The following SMG1 variants were observed in gnomAD, a reference collection of about 807,000 sequenced individuals.
The protein encoded by SMG1 is SMG1 nonsense mediated mRNA decay associated PI3K related kinase, also known as serine/threonine-protein kinase SMG1.
Under a neutral mutation model 419.9 loss-of-function variants are expected in SMG1, and 22 were observed. The observed-to-expected ratio is 0.05, with a 90% CI of 0.04 to 0.07. SMG1 has a LOEUF of 0.07. Among genes scored for constraint, SMG1 ranks in the 10% least tolerant of loss-of-function variants. SMG1 has a pLI of 1.00. For missense variants in SMG1, 3,185 were observed against 4,342.0 expected, an observed-to-expected ratio of 0.73 and a Z score of 7.49; for synonymous variants, 1,538 against 1,553.5, an observed-to-expected ratio of 0.99 and a Z score of 0.23.
intron 23 of SMG1, among the ~76,000 whole-genome samples, chr16:18,864,927 G>T (rs2035419292): frequency 6.6e-6 from 1 of 152,092 alleles, no homozygotes; most frequent in Non-Finnish European, 1.5e-5. Flanking sequence ...TTTAAAAGTG[G>T]TTAAATGTTT....
At chr16:18,916,314 G>C (rs1354695645) in intron 1 of SMG1, among the ~76,000 whole-genome samples, 1 of 151,422 alleles carries the variant, frequency 6.6e-6, no homozygotes, top group Non-Finnish European at 1.5e-5. Context: ...AGGAGATCGA[G>C]ACCATCCTGG....
intron 22 of SMG1, 48 bp downstream of exon 22, chr16:18,868,142 C>G (rs1414982184): frequency 1.4e-5 from 21 of 1,505,638 alleles, no homozygotes; most frequent in South Asian, 3.6e-5. Context: ...TTAAACCATG[C>G]TTTTCTTATT....
At chr16:18,814,343 A>T (rs1010746107) in intron 60 of SMG1, among the ~76,000 whole-genome samples, 60 of 149,918 alleles carry the variant, frequency 4.0e-4, no homozygotes, top group Non-Finnish European at 5.9e-4. Flanking sequence ...ATATATATAT[A>T]TTTTTTTTAG....
intron 1 of SMG1, among the ~76,000 whole-genome samples, chr16:18,897,370 A>C (rs1188298272): frequency 5.3e-5 from 8 of 152,252 alleles, no homozygotes; most frequent in East Asian, 3.9e-4. Context: ...TCAGTCAAAA[A>C]ATTTCAGCCT....
intron 46 of SMG1, 103 bp from the exon 47 acceptor site, chr16:18,836,635 C>A (rs1167694759): frequency 1.0e-5 from 12 of 1,197,734 alleles, no homozygotes; most frequent in Non-Finnish European, 1.4e-5. Context: ...CTGGTACGCT[C>A]CTTGTTCACC....
chr16:18,895,949 C>A (rs189694330), intron 3 of SMG1, 103 bp downstream of exon 3: 1,210 of 1,130,788 alleles, frequency 1.1e-3, no homozygotes, highest in Non-Finnish European at 1.4e-3. Flanking sequence ...GTAGGCTAAT[C>A]AACTTATGCC....
intron 6 of SMG1, among the ~76,000 whole-genome samples, chr16:18,886,104 C>T (rs528102362): frequency 1.2e-4 from 19 of 152,082 alleles, no homozygotes; most frequent in African/African-American, 3.1e-4. Flanking sequence ...CATCTGTTTA[C>T]AATATCCCTA....
intron 35 of SMG1, among the ~76,000 whole-genome samples, 176 bp downstream of exon 35, chr16:18,849,773 G>A (rs182913224): frequency 4.0e-4 from 61 of 152,266 alleles, no homozygotes; most frequent in East Asian, 1.9e-4. Context: ...CCCATTTCTT[G>A]GAAAGGTGGG....
intron 22 of SMG1, among the ~76,000 whole-genome samples, chr16:18,867,744 T>C (rs1431774548): frequency 1.4e-5 from 2 of 139,684 alleles, no homozygotes; most frequent in Admixed American, 7.4e-5. Flanking sequence ...AGTCTTGCTC[T>C]GTCGCCCAGG....
chr16:18,919,655 T>TATACAC (rs752223198), intron 1 of SMG1, among the ~76,000 whole-genome samples: 6 of 79,970 alleles, frequency 7.5e-5, no homozygotes, highest in Admixed American at 1.4e-4. Flanking sequence ...TGTGTGTATA[T>TATACAC]ATACACACAC....
intron 18 of SMG1, 78 bp downstream of exon 18, chr16:18,870,532 C>G: frequency 1.2e-6 from 1 of 801,470 alleles, no homozygotes. Context: ...AATAGGTGAT[C>G]TGTCTTCTCC....
intron 53 of SMG1, 24 bp downstream of exon 53, chr16:18,829,902 G>C: frequency 1.3e-6 from 2 of 1,505,018 alleles, no homozygotes; most frequent in Non-Finnish European, 1.8e-6. Context: ...GCTAAAGCTA[G>C]TATGTTTACA....
chr16:18,904,038 C>T (rs548501587), intron 1 of SMG1, among the ~76,000 whole-genome samples: 3 of 149,024 alleles, frequency 2.0e-5, no homozygotes, highest in South Asian at 4.3e-4. Flanking sequence ...CCCGGATTCA[C>T]GCCATTCTCC....
chr16:18,832,862 C>T (rs541159289), intron 51 of SMG1, 78 bp downstream of exon 51: 22 of 1,265,056 alleles, frequency 1.7e-5, no homozygotes, highest in East Asian at 7.0e-5. Context: ...AGTAAACTTA[C>T]GTTAAAGAGC....
At chr16:18,875,927 A>G in intron 13 of SMG1, 197 bp downstream of exon 13, 2 of 588,982 alleles carry the variant, frequency 3.4e-6, no homozygotes, top group Non-Finnish European at 5.9e-6. Context: ...TGTCAAGGAA[A>G]AAGAAGAAGA....
At position 18,852,340 on chromosome 16, in the gene SMG1, T is replaced by C; in HGVS notation, c.4891A>G (p.Arg1631Gly). ...TACCTGGCATTGTCAACCACCTTTC[T>C]GCCCCACCTATAAGCCCAGCTGGCC... is the stretch of plus-strand genomic sequence containing the variant. ...ALASWAYRWG[R>G]KVVDNASQGE... The change falls in exon 32 of 63, where the codon AGA becomes GGA. Residue 1631 changes from arginine (R) to glycine (G), a missense_variant. Physicochemically the swap from Arg to Gly is moderately radical, Grantham distance 125. Around this residue, in one of 27 missense-constraint regions of SMG1, gnomAD observed 493 missense variants for 552.9 expected, o/e 0.89. Coordinates refer to ENST00000446231, the MANE Select transcript of SMG1 (RefSeq NM_015092.5). 1 of 1,613,208 alleles carries C rather than the reference T, an allele frequency of 6.2e-7. No homozygotes were observed. Among genetic ancestry groups the C allele is most frequent in the Non-Finnish European group, 8.5e-7 (1 of 1,179,602 alleles).
At chr16:18,883,696 ATCACCTGAGG>A (rs1380610201) in intron 9 of SMG1, among the ~76,000 whole-genome samples, 30 of 152,192 alleles carry the variant, frequency 2.0e-4, no homozygotes, top group Admixed American at 2.0e-3. Context: ...ATGCGGGTGG[ATCACCTGAGG>A]TCAGGAGTTT....
At position 18,847,487 on chromosome 16, in the gene SMG1, C is replaced by A. The variant is rs1361830060; in HGVS notation, c.5962G>T (p.Val1988Leu). ...LRRIQQLEDEVKRVQNNNTLR... is the reference protein window; with the variant it reads ...LRRIQQLEDELKRVQNNNTLR... ...GTGTTGTTGTTCTGGACTCTCTTCA[C>A]CTCATCTTCAAGCTGCTGAATTCGT... The change falls in exon 38 of 63, where the codon GTG becomes TTG. Residue 1988 changes from valine (V) to leucine (L), a missense_variant. Physicochemically the swap from Val to Leu is conservative, Grantham distance 32 (BLOSUM62 1). Transcript: ENST00000446231. 1 of 1,613,910 alleles carries A rather than the reference C, an allele frequency of 6.2e-7. No homozygotes were observed. Among genetic ancestry groups the A allele is most frequent in the Non-Finnish European group, 8.5e-7 (1 of 1,179,898 alleles).
chr16:18,827,372 G>C (rs1486530739), intron 55 of SMG1, among the ~76,000 whole-genome samples: 1 of 150,778 alleles, frequency 6.6e-6, no homozygotes, highest in Non-Finnish European at 1.5e-5. Context: ...GTTGCAGTGA[G>C]GTGAGATAGT....
Sources: gnomAD v4.1 joint callset for allele counts (sites outside exome capture counted in the v4.1 genomes callset) on GRCh38, gnomAD v4.1.1 for gene constraint, gnomAD v4.1.1 regional missense constraint, MANE v1.5 for transcripts, NCBI Gene and HGNC (gene_info 2026-07-23, HGNC 2026-07-21) for gene names.